Variants in MEIS2 observed in about 807,000 individuals in gnomAD.
The protein encoded by MEIS2 is Meis homeobox 2.
A neutral mutation model predicts 58.6 loss-of-function variants in MEIS2; 9 were observed. The observed-to-expected ratio is 0.15, with a 90% CI of 0.09 to 0.27. MEIS2 has a LOEUF of 0.27. MEIS2 is among the 10% of genes least tolerant of loss of function. The probability of loss-of-function intolerance (pLI) is 1.00; values close to 1 mark genes in which losing one functional copy is unlikely to be tolerated. For missense variants in MEIS2, 427 were observed against 635.0 expected, an observed-to-expected ratio of 0.67 and a Z score of 3.52; for synonymous variants, 221 against 228.4, an observed-to-expected ratio of 0.97 and a Z score of 0.29.
At chr15:36,923,532 C>T (rs192337307) in intron 9 of MEIS2, among the ~76,000 whole-genome samples, 35 of 152,264 alleles carry the variant, frequency 2.3e-4, no homozygotes, top group African/African-American at 8.2e-4. Context: ...AGCATTCACT[C>T]TGAACTGAAT....
chr15:36,952,446 G>C lies in MEIS2; in HGVS notation c.901-2046C>G, dbSNP rs540472722. ...TAAGGATGCATCACAAGAGTATCTA[G>C]ATCTGCATTGGTAATGTCTTCCAGT... On this transcript the variant is annotated intron_variant, in intron 8 of 11. Transcript: ENST00000561208. Among the ~76,000 whole-genome samples the C allele has an allele frequency of 6.6e-5, 10 of 152,192 alleles. No individual in the cohort carries two copies. In the East Asian group the frequency reaches 1.9e-3, roughly 29 times the overall value.
intron 9 of MEIS2, among the ~76,000 whole-genome samples, chr15:36,910,253 T>C (rs1212053704): frequency 6.6e-6 from 1 of 152,102 alleles, no homozygotes; most frequent in Non-Finnish European, 1.5e-5. Flanking sequence ...TCTGATATCT[T>C]TGTAAGCACA....
intron 7 of MEIS2, among the ~76,000 whole-genome samples, chr15:37,052,070 C>T (rs903724082): frequency 6.6e-6 from 1 of 152,022 alleles, no homozygotes; most frequent in East Asian, 1.9e-4. Context: ...CAGTCTTAAC[C>T]CATTCCTTCT....
intron 8 of MEIS2, among the ~76,000 whole-genome samples, chr15:36,957,899 GA>G (rs1427376113): frequency 1.3e-5 from 2 of 152,134 alleles, no homozygotes; most frequent in Admixed American, 1.3e-4. Context: ...ACTGTTTTAT[GA>G]ACACAATATT....
At chr15:37,020,419 G>A (rs991432887) in intron 8 of MEIS2, among the ~76,000 whole-genome samples, 1 of 152,164 alleles carries the variant, frequency 6.6e-6, no homozygotes, top group Non-Finnish European at 1.5e-5. Context: ...AGGAAAAGCA[G>A]CTAGATCAAA....
At chr15:37,096,586 C>A in intron 2 of MEIS2, 156 bp from the exon 3 acceptor site, 1 of 888,394 alleles carries the variant, frequency 1.1e-6, no homozygotes. Flanking sequence ...TCAGGCGAGC[C>A]TAAGCCAGAA....
At chr15:36,964,447 A>G (rs2059291203) in intron 8 of MEIS2, among the ~76,000 whole-genome samples, 1 of 152,244 alleles carries the variant, frequency 6.6e-6, no homozygotes, top group African/African-American at 2.4e-5. Context: ...TTCTCAAATT[A>G]GCAGTTAGAA....
intron 8 of MEIS2, among the ~76,000 whole-genome samples, chr15:36,971,104 G>C (rs73391553): frequency 6.6e-6 from 1 of 151,526 alleles, no homozygotes; most frequent in Non-Finnish European, 1.5e-5. Context: ...TGGTGGGCTT[G>C]GGGGGGTGGG....
intron 7 of MEIS2, among the ~76,000 whole-genome samples, chr15:37,053,984 T>C (rs940219225): frequency 3.3e-5 from 5 of 152,208 alleles, no homozygotes; most frequent in Non-Finnish European, 7.3e-5. Flanking sequence ...TAGACTGTTA[T>C]CCGCATTTAA....
chr15:36,959,844 G>T (rs900760147), intron 8 of MEIS2, among the ~76,000 whole-genome samples: 13 of 152,094 alleles, frequency 8.5e-5, no homozygotes, highest in Admixed American at 8.5e-4. Context: ...TAAAACAAGA[G>T]TCTGAAGTAT....
intron 8 of MEIS2, among the ~76,000 whole-genome samples, chr15:36,995,746 G>GAAAAAA (rs11418165): frequency 5.9e-4 from 10 of 16,978 alleles, no homozygotes; most frequent in Admixed American, 1.5e-3. Flanking sequence ...GAAAAGAAAA[G>GAAAAAA]AAAGAAAGAA....
intron 9 of MEIS2, among the ~76,000 whole-genome samples, chr15:36,910,727 C>A (rs2056970445): frequency 6.6e-6 from 1 of 152,132 alleles, no homozygotes; most frequent in South Asian, 2.1e-4. Flanking sequence ...CTAAAATGTG[C>A]TGTGGCTGAA....
At chr15:36,952,651 A>ATGTGTGTGTGTGTGTGTG (rs2058801644) in intron 8 of MEIS2, among the ~76,000 whole-genome samples, 1 of 110,010 alleles carries the variant, frequency 9.1e-6, no homozygotes, top group African/African-American at 3.3e-5. Context: ...GTGTGTGTGC[A>ATGTGTGTGTGTGTGTGTG]TGTGTGTTTA....
intron 9 of MEIS2, among the ~76,000 whole-genome samples, chr15:36,938,029 T>A (rs2058238723): frequency 6.6e-6 from 1 of 152,164 alleles, no homozygotes; most frequent in Non-Finnish European, 1.5e-5. Context: ...CTTTCCACAG[T>A]TGGAGATTTT....
chr15:36,947,338 A>G (rs903026793), intron 9 of MEIS2, among the ~76,000 whole-genome samples: 1 of 152,012 alleles, frequency 6.6e-6, no homozygotes, highest in African/African-American at 2.4e-5. Context: ...GCAAAGACAC[A>G]AGGCATCTTT....
intron 8 of MEIS2, among the ~76,000 whole-genome samples, chr15:37,025,218 C>T (rs1008651448): frequency 3.9e-5 from 6 of 152,176 alleles, no homozygotes; most frequent in African/African-American, 1.4e-4. Context: ...CATTAATAGA[C>T]ACCAGTTTAC....
chr15:37,014,529 T>C (rs977534283), intron 8 of MEIS2, among the ~76,000 whole-genome samples: 1 of 152,246 alleles, frequency 6.6e-6, no homozygotes, highest in African/African-American at 2.4e-5. Context: ...ATATGTTGTT[T>C]TGGTGTCTGA....
chr15:36,900,290 C>G (rs1405801658), intron 9 of MEIS2, among the ~76,000 whole-genome samples: 1 of 151,952 alleles, frequency 6.6e-6, no homozygotes, highest in Non-Finnish European at 1.5e-5. Flanking sequence ...CTCATTGTGA[C>G]TTTTTTTAAA....
chr15:36,901,756 G>A (rs932757365), intron 9 of MEIS2, among the ~76,000 whole-genome samples: 4 of 152,166 alleles, frequency 2.6e-5, no homozygotes, highest in African/African-American at 9.7e-5. Context: ...GAATAATGGA[G>A]TGTTCATGCT....
Sources: allele counts gnomAD v4.1 joint callset (sites outside exome capture counted in the v4.1 genomes callset), GRCh38; gene constraint gnomAD v4.1.1; transcripts MANE v1.5; gene names NCBI Gene and HGNC (gene_info 2026-07-23, HGNC 2026-07-21).